Variants in UPF1 observed in about 807,000 individuals in gnomAD.
UPF1 encodes UPF1 RNA helicase and ATPase.
In UPF1, 9 loss-of-function variants were observed where a neutral mutation model predicts 129.2. That is an observed-to-expected ratio of 0.07 (90% CI 0.04 to 0.12). UPF1 has a LOEUF of 0.12. Among genes scored for constraint, UPF1 ranks in the 10% least tolerant of loss-of-function variants. UPF1 has a pLI of 1.00. For missense variants in UPF1, 788 were observed against 1,525.3 expected (o/e 0.52, Z 8.05); for synonymous variants, 649 against 644.9 (o/e 1.01, Z -0.10).
In UPF1 at chr19:18,860,992, G is replaced by A. The variant is rs200982165; in HGVS notation, c.2457+10G>A. The A allele has an allele frequency of 1.7e-5, 26 of 1,565,110 alleles. No homozygotes were observed. The East Asian group carries it at 1.9e-4, about 11-fold the overall frequency. On this transcript the variant is annotated intron_variant, in intron 17 of 23. Coordinates refer to ENST00000262803, the MANE Select transcript of UPF1 (RefSeq NM_002911.4). ...CACCAAGCTCTACCAGGTGCGCTGC[G>A]CCCTCGGGCACACTTGGTCTCCTGG...
chr19:18,838,523 C>G (rs892912248), intron 1 of UPF1, among the ~76,000 whole-genome samples: 1 of 152,168 alleles, frequency 6.6e-6, no homozygotes, highest in Non-Finnish European at 1.5e-5. Flanking sequence ...TGGCACATGC[C>G]TGTAATCCCA....
intron 1 of UPF1, among the ~76,000 whole-genome samples, chr19:18,834,976 C>G (rs1160869383): frequency 2.0e-5 from 3 of 152,144 alleles, no homozygotes; most frequent in Non-Finnish European, 2.9e-5. Context: ...ATACAATTTA[C>G]CCATATAAAG....
In UPF1 at chr19:18,867,086, T is replaced by G. The variant is rs1319834995; in HGVS notation, c.*569T>G. On this transcript the variant is annotated 3_prime_UTR_variant, in exon 24 of 24. Coordinates refer to ENST00000262803, the MANE Select transcript of UPF1 (RefSeq NM_002911.4). ...TTTTTCTCTTTGTTTTTTTCAAGAT[T>G]CTTTTAAAGGAGTACTGAAGAATAC... The G allele has an allele frequency of 3.3e-5, 5 of 152,630 alleles. No homozygotes were observed. Among genetic ancestry groups the G allele is most frequent in the African/African-American group, 7.2e-5 (3 of 41,464 alleles). The allele number at this position is 152,630 out of a possible 1,614,324, so 9.5% of individuals were successfully genotyped here. A position where few individuals can be genotyped will look rare whatever the true frequency, so the allele number is the denominator to read the frequency against.
chr19:18,860,524 G>A, intron 16 of UPF1, 86 bp downstream of exon 16: 2 of 1,358,584 alleles, frequency 1.5e-6, no homozygotes, highest in Non-Finnish European at 1.0e-6. Flanking sequence ...TTTTAACATG[G>A]GACTGAAACT....
At chr19:18,843,604 C>T (rs1161481003) in intron 1 of UPF1, among the ~76,000 whole-genome samples, 5 of 145,524 alleles carry the variant, frequency 3.4e-5, no homozygotes, top group African/African-American at 1.0e-4. Flanking sequence ...CTGCAACCTC[C>T]GCCTCCTGGG....
Position 18,851,988 on chromosome 19 carries a change from GC to G in UPF1, c.811-146del. 8.4e-6 allele frequency: 10 copies of G among 1,187,582 alleles called. No individual in the cohort carries two copies. Among genetic ancestry groups the G allele is most frequent in the Non-Finnish European group, 1.1e-5 (10 of 888,178 alleles). The allele number at this position is 1,187,582 out of a possible 1,614,324, so 73.6% of individuals were successfully genotyped here. A position where few individuals can be genotyped will look rare whatever the true frequency, so the allele number is the denominator to read the frequency against. On this transcript the variant is annotated intron_variant, in intron 5 of 23. Coordinates refer to ENST00000262803, the MANE Select transcript of UPF1 (RefSeq NM_002911.4). The surrounding 1 kb of genome is among the most constrained non-coding windows in gnomAD (Gnocchi z 4.2). ...TCCCAGGGTTCTCCTTGCAGGTGGGGCTGCGCCAGAACCCCTCCATGCCACC... is the reference window on the plus strand; with the variant it reads ...TCCCAGGGTTCTCCTTGCAGGTGGGGTGCGCCAGAACCCCTCCATGCCACC...
intron 6 of UPF1, among the ~76,000 whole-genome samples, chr19:18,852,650 C>T (rs1037188822): frequency 2.7e-5 from 4 of 147,162 alleles, no homozygotes; most frequent in African/African-American, 1.0e-4. Context: ...TCCCTCCCCT[C>T]CTCTTTCTGT....
At position 18,852,048 on chromosome 19, in the gene UPF1, C is replaced by T. The variant is rs986177529; in HGVS notation, c.811-87C>T. The T allele has an allele frequency of 6.2e-6, 9 of 1,456,934 alleles. No homozygotes were observed. In the Admixed American group the frequency reaches 1.6e-4, roughly 26 times the overall value. 90.3% of individuals were successfully genotyped at this position (1,456,934 alleles called of 1,614,324 possible). A position where few individuals can be genotyped will look rare whatever the true frequency, so the allele number is the denominator to read the frequency against. ...CCCATTCTGAGAAGCGGCATGTGTG[C>T]TCCATCCCTCTGGTGCCTCTGCGCC... On this transcript the variant is annotated intron_variant, in intron 5 of 23. Transcript: ENST00000262803.
rs2055660519 is a variant in UPF1, at chr19:18,851,706, C to T, written c.811-429C>T. Among the ~76,000 whole-genome samples, 1 of 152,202 alleles carries T rather than the reference C, an allele frequency of 6.6e-6. No homozygotes were observed. Among genetic ancestry groups the T allele is most frequent in the Admixed American group, 6.5e-5 (1 of 15,290 alleles). On this transcript the variant is annotated intron_variant, in intron 5 of 23. Coordinates refer to ENST00000262803, the MANE Select transcript of UPF1 (RefSeq NM_002911.4). This position sits in a 1 kb window ranked among gnomAD's most constrained non-coding sequence, Gnocchi z 4.2. Reference sequence around the variant, plus strand: ...AGACAGGCCTCCCGGGCTGTGGACACAGCGAGAGAAACCGGTGGTCTTTGT... The same window carrying T: ...AGACAGGCCTCCCGGGCTGTGGACATAGCGAGAGAAACCGGTGGTCTTTGT...
Position 18,850,775 on chromosome 19 carries a change from G to A in UPF1, c.717G>A (p.Leu239=), listed in dbSNP as rs1164506854. The A allele has an allele frequency of 6.2e-7, 1 of 1,611,364 alleles. No individual in the cohort carries two copies. The highest frequency in any genetic ancestry group is 8.5e-7 in the Non-Finnish European group (1 of 1,179,196). ...WQPLIQDRCF[L]SWLVKIPSEQ... ...CGCTGATCCAGGACCGCTGCTTCCT[G>A]TCCTGGCTGGTCAAGATCCCCTCCG... The change falls in exon 5 of 24, where the codon CTG becomes CTA. Residue 239 remains leucine (L), a synonymous_variant. Transcript: ENST00000262803. This position sits in a 1 kb window ranked among gnomAD's most constrained non-coding sequence, Gnocchi z 7.1.
intron 6 of UPF1, 115 bp from the exon 7 acceptor site, chr19:18,852,872 G>A: frequency 1.2e-6 from 1 of 834,750 alleles, no homozygotes; most frequent in Non-Finnish European, 1.9e-6. Flanking sequence ...CACGGCGCCT[G>A]CTCTCACGGC....
At chr19:18,855,407 G>A (rs2055706177) in intron 11 of UPF1, 165 bp downstream of exon 11, 1 of 758,772 alleles carries the variant, frequency 1.3e-6, no homozygotes, top group Non-Finnish European at 2.1e-6. Flanking sequence ...ATTCGTGTCA[G>A]CTCCAACCTT....
intron 1 of UPF1, among the ~76,000 whole-genome samples, chr19:18,834,726 C>T (rs1036413910): frequency 8.5e-5 from 13 of 152,138 alleles, no homozygotes; most frequent in African/African-American, 2.7e-4. Flanking sequence ...CAAGGGAAAG[C>T]GGAAGAAAGT....
chr19:18,837,560 C>T (rs559859376), intron 1 of UPF1, among the ~76,000 whole-genome samples: 1 of 152,376 alleles, frequency 6.6e-6, no homozygotes, highest in Admixed American at 6.5e-5. Flanking sequence ...GCAGTGTGTA[C>T]ATCCAGTGGG....
intron 1 of UPF1, among the ~76,000 whole-genome samples, chr19:18,845,737 C>T (rs2055589712): frequency 6.6e-6 from 1 of 151,920 alleles, no homozygotes; most frequent in African/African-American, 2.4e-5. Flanking sequence ...ATGGACATGG[C>T]TCTGTGGCTA....
chr19:18,863,684 G>C (rs2055807270), intron 19 of UPF1, 72 bp downstream of exon 19: 6 of 1,516,640 alleles, frequency 4.0e-6, no homozygotes, highest in East Asian at 5.0e-5. Context: ...GAACGTGCCA[G>C]CTTGGCCCGT....
chr19:18,839,282 C>T (rs974936413), intron 1 of UPF1, among the ~76,000 whole-genome samples: 5 of 152,210 alleles, frequency 3.3e-5, no homozygotes, highest in South Asian at 4.2e-4. Context: ...TTAGTAGAGA[C>T]GGGGTTTCAC....
Position 18,832,003 on chromosome 19 carries a change from C to G in UPF1, c.-207C>G. The G allele has an allele frequency of 3.0e-6, 1 of 338,700 alleles. No homozygotes were observed. The highest frequency in any genetic ancestry group is 5.2e-6 in the Non-Finnish European group (1 of 193,438). 21.0% of individuals were successfully genotyped at this position (338,700 alleles called of 1,614,324 possible). ...GAGCGGCTGGCGGCTTCGAGGGGAG[C>G]TGAGGCGCGGAGGGGCTCGGCGGCA... On this transcript the variant is annotated 5_prime_UTR_variant, in exon 1 of 24. Transcript: ENST00000262803. This position sits in a 1 kb window ranked among gnomAD's most constrained non-coding sequence, Gnocchi z 5.6.
At chr19:18,834,461 T>C (rs1049316450) in intron 1 of UPF1, among the ~76,000 whole-genome samples, 9 of 152,198 alleles carry the variant, frequency 5.9e-5, no homozygotes, top group African/African-American at 2.2e-4. Context: ...TGATTTTTTT[T>C]CCTGCACCTG....
Sources: gnomAD v4.1 joint callset for allele counts (sites outside exome capture counted in the v4.1 genomes callset) on GRCh38, gnomAD v4.1.1 for gene constraint, Gnocchi (gnomAD v3.1) non-coding constraint, MANE v1.5 for transcripts, NCBI Gene and HGNC (gene_info 2026-07-23, HGNC 2026-07-21) for gene names.